ARHGAP20: variants seen among roughly 807,000 people sequenced by gnomAD.
ARHGAP20 encodes rho GTPase-activating protein 20.
Under a neutral mutation model 73.7 loss-of-function variants are expected in ARHGAP20, and 34 were observed. The observed-to-expected ratio is 0.46, with a 90% CI of 0.35 to 0.61. ARHGAP20 has a LOEUF of 0.61. ARHGAP20 is among the 20% of genes least tolerant of loss of function. The pLI, the probability that ARHGAP20 is intolerant of heterozygous loss-of-function variation, is 0.00. For synonymous variants in ARHGAP20, 523 were observed against 518.2 expected, an observed-to-expected ratio of 1.01 and a Z score of -0.13; for missense variants, 1,314 against 1,420.9, an observed-to-expected ratio of 0.92 and a Z score of 1.21.
chr11:110,585,696 C>T (rs575904540), intron 12 of ARHGAP20, among the ~76,000 whole-genome samples: 3 of 152,262 alleles, frequency 2.0e-5, no homozygotes, highest in South Asian at 4.1e-4. Flanking sequence ...TGTGATCAGA[C>T]GTCCTTTGCA....
chr11:110,643,995 T>C (rs1023692649), intron 2 of ARHGAP20, among the ~76,000 whole-genome samples: 4 of 152,092 alleles, frequency 2.6e-5, no homozygotes, highest in African/African-American at 9.7e-5. Context: ...CCCTTTATCA[T>C]TATAGCATTT....
At chr11:110,622,050 A>G (rs1031333995) in intron 4 of ARHGAP20, among the ~76,000 whole-genome samples, 1 of 152,204 alleles carries the variant, frequency 6.6e-6, no homozygotes, top group Non-Finnish European at 1.5e-5. Flanking sequence ...GTTTATACAT[A>G]GAATTTGGAG....
intron 2 of ARHGAP20, among the ~76,000 whole-genome samples, chr11:110,633,305 T>TG (rs1948896259): frequency 6.6e-6 from 1 of 152,190 alleles, no homozygotes; most frequent in Non-Finnish European, 1.5e-5. Flanking sequence ...CTCAATGGAT[T>TG]GCTTTGGTAC....
At chr11:110,711,938 A>AGGC in intron 1 of ARHGAP20, 189 bp downstream of exon 1, 1 of 1,253,516 alleles carries the variant, frequency 8.0e-7, no homozygotes, top group Non-Finnish European at 1.0e-6. Flanking sequence ...GCTCTGCGGG[A>AGGC]GGCGGCGGCG....
intron 1 of ARHGAP20, among the ~76,000 whole-genome samples, chr11:110,709,840 G>C (rs1950614212): frequency 6.6e-6 from 1 of 152,192 alleles, no homozygotes; most frequent in Admixed American, 6.5e-5. Flanking sequence ...TAAGCAACAT[G>C]ATTAATTTAC....
Position 110,580,188 on chromosome 11 carries a change from C to T in ARHGAP20, c.2758G>A (p.Glu920Lys). 2.5e-6 allele frequency: 4 copies of T among 1,614,184 alleles called. No individual in the cohort carries two copies. Among genetic ancestry groups the T allele is most frequent in the Non-Finnish European group, 3.4e-6 (4 of 1,180,028 alleles). Reference protein sequence around the residue: ...GKSSATNQNTEKVLPPRLNLC... With the variant: ...GKSSATNQNTKKVLPPRLNLC... ...TTTAATCTTGGGGGTAAAACCTTCT[C>T]AGTGTTTTGGTTTGTGGCACTACTC... Residue 920 changes from glutamate to lysine, a missense_variant, in exon 15 of 15, where the codon GAG becomes AAG. This residue lies in a region of ARHGAP20 where 641 missense variants were observed against 636.9 expected (regional missense o/e 1.01). Transcript: ENST00000683387.
rs1565414806 is a variant in ARHGAP20 at position 110,578,781 on chromosome 11, T to A, written c.*589A>T. On this transcript the variant is annotated 3_prime_UTR_variant, in exon 15 of 15. Coordinates refer to ENST00000683387, the MANE Select transcript of ARHGAP20 (RefSeq NM_001384657.1). ...ACTCTGTTTTTCTCCACTCTAGCTG[T>A]AGCAATGGGCTGGTTCTTGGAATGA... The A allele has an allele frequency of 6.1e-6, 6 of 985,512 alleles. No homozygotes were observed. Among genetic ancestry groups the A allele is most frequent in the Non-Finnish European group, 7.2e-6 (6 of 829,938 alleles). 61.0% of individuals were successfully genotyped at this position (985,512 alleles called of 1,614,324 possible).
chr11:110,687,302 C>T (rs1008328853), intron 2 of ARHGAP20, among the ~76,000 whole-genome samples: 2 of 151,890 alleles, frequency 1.3e-5, no homozygotes, highest in African/African-American at 2.4e-5. Flanking sequence ...CCCACCCTGG[C>T]ATACCAAAGG....
intron 9 of ARHGAP20, among the ~76,000 whole-genome samples, chr11:110,596,954 T>C (rs1268039164): frequency 3.9e-5 from 6 of 152,036 alleles, no homozygotes; most frequent in African/African-American, 9.7e-5. Flanking sequence ...TGGAATACTA[T>C]GCAGCCATAA....
rs184377937 is a variant in ARHGAP20 at position 110,684,386 on chromosome 11, A to C, written c.188+6161T>G. 1.9e-3 allele frequency among the ~76,000 whole-genome samples: 289 copies of C among 152,280 alleles called. 2 individuals are homozygous for C. In the Middle Eastern group the frequency reaches 0.061, roughly 32 times the overall value. ...AAATAACAGCTGGGTATATTAAAAC[A>C]ATGTTCATATTGATTATCTAGACAT... On this transcript the variant is annotated intron_variant, in intron 2 of 14. Coordinates refer to ENST00000683387, the MANE Select transcript of ARHGAP20 (RefSeq NM_001384657.1).
At chr11:110,637,987 T>C (rs984544784) in intron 2 of ARHGAP20, among the ~76,000 whole-genome samples, 1 of 152,082 alleles carries the variant, frequency 6.6e-6, no homozygotes, top group Non-Finnish European at 1.5e-5. Context: ...GTACAGTCAT[T>C]GGTGTTTCTC....
chr11:110,630,466 A>T (rs1948836070), intron 3 of ARHGAP20, among the ~76,000 whole-genome samples, 162 bp downstream of exon 3: 1 of 147,382 alleles, frequency 6.8e-6, no homozygotes, highest in Non-Finnish European at 1.5e-5. Context: ...GAAAAAATGA[A>T]CAATCGATTT....
At chr11:110,619,660 GAT>G (rs1263290881) in intron 4 of ARHGAP20, among the ~76,000 whole-genome samples, 1 of 151,776 alleles carries the variant, frequency 6.6e-6, no homozygotes, top group Non-Finnish European at 1.5e-5. Flanking sequence ...TATATGTAGT[GAT>G]AGAGTATATG....
At chr11:110,669,996 T>C (rs184086431) in intron 2 of ARHGAP20, among the ~76,000 whole-genome samples, 67 of 152,254 alleles carry the variant, frequency 4.4e-4, no homozygotes, top group Non-Finnish European at 1.9e-4. Context: ...TAGCATGGTA[T>C]TTATATAAAA....
chr11:110,673,934 G>A (rs112658517), intron 2 of ARHGAP20, among the ~76,000 whole-genome samples: 2 of 146,300 alleles, frequency 1.4e-5, no homozygotes, highest in South Asian at 2.2e-4. Flanking sequence ...TTGTGAGAAC[G>A]AAGGCTATTT....
chr11:110,634,034 C>A (rs183345742), intron 2 of ARHGAP20, among the ~76,000 whole-genome samples: 2 of 152,136 alleles, frequency 1.3e-5, no homozygotes, highest in Admixed American at 1.3e-4. Flanking sequence ...AACCTATGAA[C>A]AAAGATGGAG....
In ARHGAP20 at chr11:110,579,362, T is replaced by TA. The variant is rs1565415307; in HGVS notation, c.*7dup. ...CCTGTTCTTGTGGACATCAGATTCT[T>TA]ACTATGCTTAAATGTCTTTGGTTAA... On this transcript the variant is annotated 3_prime_UTR_variant, in exon 15 of 15. Coordinates refer to ENST00000683387, the MANE Select transcript of ARHGAP20 (RefSeq NM_001384657.1). The TA allele has an allele frequency of 6.4e-7, 1 of 1,572,490 alleles. No homozygotes were observed. Among genetic ancestry groups the TA allele is most frequent in the Admixed American group, 1.8e-5 (1 of 56,082 alleles).
intron 1 of ARHGAP20, among the ~76,000 whole-genome samples, chr11:110,705,086 CT>C (rs1400633069): frequency 6.6e-6 from 1 of 151,968 alleles, no homozygotes; most frequent in Non-Finnish European, 1.5e-5. Flanking sequence ...CTACAGACAC[CT>C]TCTAGGAAGG....
intron 2 of ARHGAP20, among the ~76,000 whole-genome samples, chr11:110,649,201 C>T (rs1445047058): frequency 2.3e-5 from 2 of 87,090 alleles, no homozygotes; most frequent in Non-Finnish European, 4.3e-5. Flanking sequence ...ATTATTAAAC[C>T]TTTTTTTTTT....
Sources: gnomAD v4.1 joint callset for allele counts (sites outside exome capture counted in the v4.1 genomes callset) on GRCh38, gnomAD v4.1.1 for gene constraint, gnomAD v4.1.1 regional missense constraint, MANE v1.5 for transcripts, NCBI Gene and HGNC (gene_info 2026-07-23, HGNC 2026-07-21) for gene names.